The following NDUFAF6 variants were observed in gnomAD, a reference collection of about 807,000 sequenced individuals.
NDUFAF6 encodes NADH:ubiquinone oxidoreductase complex assembly factor 6.
NDUFAF6 carries 45 observed loss-of-function variants against 40.8 expected under a neutral mutation model. That is an observed-to-expected ratio of 1.10 (90% CI 0.87 to 1.42). The LOEUF (loss-of-function observed/expected upper bound fraction) is 1.42. Among genes scored for constraint, NDUFAF6 ranks in the 40% most tolerant of loss-of-function variants. The probability of loss-of-function intolerance (pLI) is 0.00; values close to 1 mark genes in which losing one functional copy is unlikely to be tolerated. For missense variants in NDUFAF6, 435 were observed against 418.5 expected (o/e 1.04, Z -0.34); for synonymous variants, 185 against 155.9 (o/e 1.19, Z -1.39).
At chr8:95,007,617 C>A (rs1389238505) in intron 2 of NDUFAF6, among the ~76,000 whole-genome samples, 1 of 149,748 alleles carries the variant, frequency 6.7e-6, no homozygotes, top group African/African-American at 2.5e-5. Flanking sequence ...TGAGCCATGA[C>A]CATGCCACTG....
chr8:94,938,482 A>G (rs1821206398), intron 1 of NDUFAF6, among the ~76,000 whole-genome samples: 1 of 152,222 alleles, frequency 6.6e-6, no homozygotes, highest in Non-Finnish European at 1.5e-5. Flanking sequence ...GTTGGCAGCA[A>G]CTAGGCAGCT....
chr8:94,902,693 C>CTTTT (rs35185664), intron 1 of NDUFAF6, among the ~76,000 whole-genome samples: 4 of 121,522 alleles, frequency 3.3e-5, no homozygotes, highest in Non-Finnish European at 5.0e-5. Flanking sequence ...TGTGGACATA[C>CTTTT]TTTTTTTTTT....
chr8:95,055,594 A>G (rs1336554308), intron 8 of NDUFAF6, among the ~76,000 whole-genome samples: 3 of 152,224 alleles, frequency 2.0e-5, no homozygotes, highest in Non-Finnish European at 4.4e-5. Context: ...TAGCAAGTTG[A>G]TCACAGTATA....
At chr8:95,096,547 T>C (rs1809470098), upstream of NDUFAF6, among the ~76,000 whole-genome samples, 1 of 152,238 alleles carries the variant, frequency 6.6e-6, no homozygotes. Context: ...GAGCACTCCC[T>C]GTGACCTGAT....
At chr8:94,922,565 G>A (rs1392332346) in intron 1 of NDUFAF6, among the ~76,000 whole-genome samples, 4 of 150,566 alleles carry the variant, frequency 2.7e-5, no homozygotes, top group South Asian at 4.2e-4. Context: ...TGCAACCTCC[G>A]CCTCCCGGGT....
At chr8:94,979,868 G>A (rs1348956147) in intron 1 of NDUFAF6, among the ~76,000 whole-genome samples, 1 of 152,206 alleles carries the variant, frequency 6.6e-6, no homozygotes, top group Non-Finnish European at 1.5e-5. Context: ...GCCGAGGCAG[G>A]TGGATCACTT....
At chr8:95,003,717 T>G (rs1826836780) in intron 2 of NDUFAF6, among the ~76,000 whole-genome samples, 1 of 152,206 alleles carries the variant, frequency 6.6e-6, no homozygotes, top group Non-Finnish European at 1.5e-5. Flanking sequence ...CTGCAAACAT[T>G]CTTTTCCCTG....
At chr8:95,031,929 A>G in intron 1 of NDUFAF6, 66 bp from the exon 2 acceptor site, 1 of 1,458,570 alleles carries the variant, frequency 6.9e-7, no homozygotes, top group South Asian at 1.1e-5. Context: ...AGTTAATTTT[A>G]GTCAGTATTT....
intron 1 of NDUFAF6, among the ~76,000 whole-genome samples, chr8:94,931,364 T>C (rs1368113137): frequency 6.6e-6 from 1 of 152,200 alleles, no homozygotes; most frequent in East Asian, 1.9e-4. Flanking sequence ...CATTTTGAGA[T>C]GGTATTTACA....
At chr8:95,033,745 GAT>G (rs1478167721) in intron 2 of NDUFAF6, among the ~76,000 whole-genome samples, 1 of 152,192 alleles carries the variant, frequency 6.6e-6, no homozygotes, top group Non-Finnish European at 1.5e-5. Flanking sequence ...GAGCTGTACA[GAT>G]ATGTGGGCAA....
downstream of NDUFAF6, among the ~76,000 whole-genome samples, chr8:95,103,872 C>T (rs942797594): frequency 6.6e-6 from 1 of 152,166 alleles, no homozygotes. Context: ...TTTTTGTTCT[C>T]TTAATTGATT....
chr8:94,921,844 G>A (rs1016799122), intron 1 of NDUFAF6, among the ~76,000 whole-genome samples: 4 of 152,182 alleles, frequency 2.6e-5, no homozygotes, highest in African/African-American at 7.2e-5. Context: ...GGAGGCAGAA[G>A]GCCAGCAGTG....
intron 2 of NDUFAF6, among the ~76,000 whole-genome samples, chr8:95,088,847 G>A (rs553328452): frequency 2.1e-4 from 32 of 151,998 alleles, no homozygotes; most frequent in African/African-American, 7.2e-4. Context: ...TGCAACCTCC[G>A]CCTCCCGGGC....
chr8:95,099,657 G>C (rs1809590821), upstream of NDUFAF6, among the ~76,000 whole-genome samples: 1 of 152,140 alleles, frequency 6.6e-6, no homozygotes, highest in Admixed American at 6.5e-5. Context: ...TAGCAGAGAG[G>C]AGAGCTCCCC....
At chr8:95,086,516 C>T (rs1241211849) in intron 2 of NDUFAF6, among the ~76,000 whole-genome samples, 1 of 152,182 alleles carries the variant, frequency 6.6e-6, no homozygotes, top group Admixed American at 6.5e-5. Flanking sequence ...TCCCTTAAAC[C>T]CTCCTCAGAA....
chr8:94,926,540 G>T (rs746299146), intron 1 of NDUFAF6: 7 of 151,986 alleles, frequency 4.6e-5, no homozygotes, highest in Non-Finnish European at 7.4e-5. Context: ...TACTGGTTTG[G>T]TTTTCAGAGG....
intron 1 of NDUFAF6, among the ~76,000 whole-genome samples, chr8:94,970,620 A>C (rs1179638276): frequency 6.6e-6 from 1 of 152,264 alleles, no homozygotes; most frequent in Non-Finnish European, 1.5e-5. Context: ...AAATAATCAA[A>C]ATGCTGAACA....
intron 8 of NDUFAF6, among the ~76,000 whole-genome samples, chr8:95,057,296 T>A (rs1832303036): frequency 6.6e-6 from 1 of 152,236 alleles, no homozygotes; most frequent in African/African-American, 2.4e-5. Context: ...TTGTCAAGTT[T>A]TTTGTGGTGG....
intron 1 of NDUFAF6, among the ~76,000 whole-genome samples, chr8:95,028,937 C>T (rs994397589): frequency 6.6e-6 from 1 of 152,148 alleles, no homozygotes; most frequent in African/African-American, 2.4e-5. Flanking sequence ...CCATTTTGTT[C>T]CCCAAAGGTG....
Sources: allele counts gnomAD v4.1 joint callset (sites outside exome capture counted in the v4.1 genomes callset), GRCh38; gene constraint gnomAD v4.1.1; transcripts MANE v1.5; gene names NCBI Gene and HGNC (gene_info 2026-07-23, HGNC 2026-07-21).